Variants in CELF4 observed in about 807,000 individuals in gnomAD.
CELF4 encodes the protein CUGBP Elav-like family member 4, also known as CUG-BP- and ETR-3-like factor 4.
Under a neutral mutation model 59.9 loss-of-function variants are expected in CELF4, and 18 were observed. The ratio of observed to expected loss-of-function variants is 0.30; its 90% CI spans 0.21 to 0.45. The LOEUF (loss-of-function observed/expected upper bound fraction) is 0.45, where lower values mean the gene tolerates loss of function less well. CELF4 is among the 20% of genes least tolerant of loss of function. The pLI is 1.00. For synonymous variants in CELF4, 261 were observed against 267.1 expected (o/e 0.98, Z 0.22); for missense variants, 456 against 689.0 (o/e 0.66, Z 3.79).
chr18:37,537,559 T>A (rs4799942), intron 1 of CELF4, among the ~76,000 whole-genome samples: 1 of 152,092 alleles, frequency 6.6e-6, no homozygotes, highest in Non-Finnish European at 1.5e-5. Flanking sequence ...ACATGAAAAT[T>A]ACAGGTCTTC....
intron 8 of CELF4, among the ~76,000 whole-genome samples, chr18:37,268,693 A>G (rs1601404126): frequency 6.6e-6 from 1 of 152,348 alleles, no homozygotes. Context: ...AGGGGAGATC[A>G]GAAAAGCTAC....
chr18:37,511,181 C>T (rs149992759), intron 1 of CELF4, among the ~76,000 whole-genome samples: 4 of 152,248 alleles, frequency 2.6e-5, no homozygotes, highest in Non-Finnish European at 4.4e-5. Context: ...TGTTGGAAGC[C>T]GAAACCTTGC....
chr18:37,317,112 C>T (rs935881838), intron 3 of CELF4, among the ~76,000 whole-genome samples: 3 of 152,170 alleles, frequency 2.0e-5, no homozygotes, highest in Non-Finnish European at 4.4e-5. Flanking sequence ...TCCGGCCGGG[C>T]GCGGTGGCTT....
chr18:37,374,706 T>C (rs182571810), intron 2 of CELF4, among the ~76,000 whole-genome samples: 6 of 152,288 alleles, frequency 3.9e-5, no homozygotes, highest in African/African-American at 1.4e-4. Flanking sequence ...GTGTCCCTTC[T>C]TGCCCGGTTC....
chr18:37,446,895 A>C (rs2099749694), intron 2 of CELF4, among the ~76,000 whole-genome samples: 1 of 152,192 alleles, frequency 6.6e-6, no homozygotes, highest in Non-Finnish European at 1.5e-5. Flanking sequence ...TGCACAAGAC[A>C]CACTGGCCTT....
At chr18:37,399,477 A>T (rs1174665406) in intron 2 of CELF4, among the ~76,000 whole-genome samples, 3 of 152,196 alleles carry the variant, frequency 2.0e-5, no homozygotes, top group African/African-American at 7.2e-5. Context: ...TTATTTATAA[A>T]TTACCCACTC....
rs41370646 is a variant in CELF4 at position 37,483,712 on chromosome 18, T to C, written c.369+1813A>G. Among the ~76,000 whole-genome samples the C allele has an allele frequency of 8.6e-3, 1,315 of 152,310 alleles. 16 individuals carry two copies. The highest frequency in any genetic ancestry group is 0.024 in the Middle Eastern group (7 of 294). The stretch of plus-strand genomic sequence containing the variant: ...GTGCTCCTGATTTCCCCTGGGCCTT[T>C]CTGCCTGGTAATAAGCCTTCTTTAA... On this transcript the variant is annotated intron_variant, in intron 2 of 12. Transcript: ENST00000420428.
chr18:37,405,098 C>A (rs694306), intron 2 of CELF4, among the ~76,000 whole-genome samples: 17 of 152,292 alleles, frequency 1.1e-4, no homozygotes, highest in Middle Eastern at 6.8e-3. Flanking sequence ...CCCAACCCCC[C>A]CCGTGTCCTT....
At chr18:37,318,006 C>T (rs1312874980) in intron 3 of CELF4, among the ~76,000 whole-genome samples, 1 of 152,238 alleles carries the variant, frequency 6.6e-6, no homozygotes, top group Admixed American at 6.5e-5. Flanking sequence ...AGCCTTCCTC[C>T]TGCCCCCTGG....
intron 3 of CELF4, among the ~76,000 whole-genome samples, chr18:37,316,090 A>G (rs1253720037): frequency 6.6e-6 from 1 of 152,110 alleles, no homozygotes; most frequent in Admixed American, 6.5e-5. Flanking sequence ...GACTCCATTT[A>G]GAAGCTGAGC....
intron 2 of CELF4, among the ~76,000 whole-genome samples, chr18:37,322,140 G>A (rs1285084739): frequency 6.6e-6 from 1 of 152,214 alleles, no homozygotes; most frequent in East Asian, 1.9e-4. Context: ...CTCCTACTCC[G>A]AGCAGCAGCT....
intron 1 of CELF4, among the ~76,000 whole-genome samples, chr18:37,499,278 G>A (rs1198047479): frequency 6.6e-6 from 1 of 152,236 alleles, no homozygotes. Context: ...GCTGGCAGGG[G>A]CCTAGGTGAC....
intron 1 of CELF4, among the ~76,000 whole-genome samples, chr18:37,490,861 G>A (rs2099901057): frequency 6.6e-6 from 1 of 152,110 alleles, no homozygotes; most frequent in Non-Finnish European, 1.5e-5. Flanking sequence ...CCCCTTTCCT[G>A]CCCCACTGTC....
chr18:37,437,813 C>T (rs1032490741), intron 2 of CELF4, among the ~76,000 whole-genome samples: 3 of 152,196 alleles, frequency 2.0e-5, no homozygotes, highest in African/African-American at 7.2e-5. Context: ...TGTGGACCTT[C>T]CAGCTAAGTG....
At chr18:37,449,813 G>T (rs1311381017) in intron 2 of CELF4, among the ~76,000 whole-genome samples, 1 of 152,260 alleles carries the variant, frequency 6.6e-6, no homozygotes, top group Non-Finnish European at 1.5e-5. Flanking sequence ...AGGCCCTGGG[G>T]CATGTGGGAA....
intron 2 of CELF4, among the ~76,000 whole-genome samples, chr18:37,460,332 A>G (rs751377460): frequency 9.2e-5 from 14 of 152,222 alleles, no homozygotes; most frequent in Non-Finnish European, 1.9e-4. Flanking sequence ...CCAGGAACAC[A>G]GCTCTTATGC....
chr18:37,321,545 A>G (rs1176825676), intron 3 of CELF4, among the ~76,000 whole-genome samples: 7 of 152,168 alleles, frequency 4.6e-5, no homozygotes, highest in Admixed American at 1.3e-4. Flanking sequence ...GGAGAAGAAT[A>G]TCCTGGGACA....
At chr18:37,340,522 A>G (rs779910629) in intron 2 of CELF4, among the ~76,000 whole-genome samples, 5 of 152,174 alleles carry the variant, frequency 3.3e-5, no homozygotes, top group African/African-American at 9.7e-5. Flanking sequence ...CTGATCATTC[A>G]TTAATTCTCT....
chr18:37,284,922 G>A (rs753240226), intron 3 of CELF4, among the ~76,000 whole-genome samples: 5 of 152,204 alleles, frequency 3.3e-5, no homozygotes, highest in African/African-American at 7.2e-5. Context: ...GGTCTGGACC[G>A]AGCTGAGCTT....
Sources: gnomAD v4.1 joint callset for allele counts (sites outside exome capture counted in the v4.1 genomes callset) on GRCh38, gnomAD v4.1.1 for gene constraint, MANE v1.5 for transcripts, NCBI Gene and HGNC (gene_info 2026-07-23, HGNC 2026-07-21) for gene names.